The following TBC1D22A variants were observed in gnomAD, a reference collection of about 807,000 sequenced individuals.
The protein encoded by TBC1D22A is TBC1 domain family member 22A.
A neutral mutation model predicts 60.2 loss-of-function variants in TBC1D22A; 38 were observed. The ratio of observed to expected loss-of-function variants is 0.63; its 90% CI spans 0.49 to 0.83. The LOEUF is 0.83. TBC1D22A is among the 40% of genes least tolerant of loss of function. The probability of loss-of-function intolerance (pLI) is 0.00; values close to 1 mark genes in which losing one functional copy is unlikely to be tolerated. For missense variants in TBC1D22A, 628 were observed against 701.0 expected, an observed-to-expected ratio of 0.90 and a Z score of 1.18; for synonymous variants, 302 against 281.7, an observed-to-expected ratio of 1.07 and a Z score of -0.72.
At chr22:47,156,505 T>C (rs547404377) in intron 12 of TBC1D22A, among the ~76,000 whole-genome samples, 17 of 152,248 alleles carry the variant, frequency 1.1e-4, no homozygotes, top group African/African-American at 4.1e-4. Flanking sequence ...GGAGGACACC[T>C]CACAGTTGTT....
At chr22:46,890,829 T>TGTGTGTGTGCGTGGG (rs775055368) in intron 5 of TBC1D22A, among the ~76,000 whole-genome samples, 278 of 152,190 alleles carry the variant, frequency 1.8e-3, no homozygotes, top group Non-Finnish European at 3.4e-3. Flanking sequence ...CGTGTATATG[T>TGTGTGTGTGCGTGGG]GTGTGTGTGC....
chr22:47,170,349 G>A (rs1601756020), intron 12 of TBC1D22A, among the ~76,000 whole-genome samples: 1 of 152,106 alleles, frequency 6.6e-6, no homozygotes, highest in Non-Finnish European at 1.5e-5. Context: ...AATATGAAGC[G>A]AAGTGGATTA....
chr22:46,912,318 AT>A lies in TBC1D22A; in HGVS notation c.1015+131del, dbSNP rs1424390756. 5 of 618,902 alleles carry A rather than the reference AT, an allele frequency of 8.1e-6. No homozygotes were observed. In the African/African-American group the frequency reaches 9.4e-5, roughly 12 times the overall value. 38.3% of individuals were successfully genotyped at this position (618,902 alleles called of 1,614,324 possible). On this transcript the variant is annotated intron_variant, in intron 8 of 12. Transcript: ENST00000337137. ...TAATGATAGGTAATATTAGAGAATA[AT>A]AGTTTTCTCATCAACAACAGCTTTC... is the stretch of plus-strand genomic sequence containing the variant.
intron 12 of TBC1D22A, among the ~76,000 whole-genome samples, chr22:47,135,408 G>A (rs958501934): frequency 6.6e-6 from 1 of 152,250 alleles, no homozygotes; most frequent in Non-Finnish European, 1.5e-5. Flanking sequence ...AGGATGGAGT[G>A]AGAGTGAACC....
At chr22:47,027,380 G>A (rs181037994) in intron 10 of TBC1D22A, among the ~76,000 whole-genome samples, 1 of 152,180 alleles carries the variant, frequency 6.6e-6, no homozygotes, top group East Asian at 1.9e-4. Context: ...GGTATTTGGT[G>A]ACATGAGTAA....
chr22:46,920,221 A>G (rs1249242969), intron 8 of TBC1D22A, among the ~76,000 whole-genome samples: 2 of 152,158 alleles, frequency 1.3e-5, no homozygotes, highest in Non-Finnish European at 2.9e-5. Flanking sequence ...CTGGGACTAC[A>G]GGCATGCACC....
intron 1 of TBC1D22A, among the ~76,000 whole-genome samples, chr22:46,791,509 C>A (rs1312108726): frequency 6.7e-6 from 1 of 150,222 alleles, no homozygotes; most frequent in African/African-American, 2.5e-5. Context: ...AGCTGGGGGC[C>A]AAAGGGGTGC....
intron 11 of TBC1D22A, among the ~76,000 whole-genome samples, chr22:47,042,459 G>A (rs2062880113): frequency 6.6e-6 from 1 of 152,198 alleles, no homozygotes; most frequent in Non-Finnish European, 1.5e-5. Context: ...GAATGAATGA[G>A]AATGAAGATG....
chr22:46,832,297 C>T (rs2086344194), intron 4 of TBC1D22A, among the ~76,000 whole-genome samples: 1 of 152,232 alleles, frequency 6.6e-6, no homozygotes, highest in South Asian at 2.1e-4. Context: ...TTGTTATGCC[C>T]TTCTTAATTG....
At chr22:46,870,665 C>T (rs920095825) in intron 4 of TBC1D22A, among the ~76,000 whole-genome samples, 16 of 152,148 alleles carry the variant, frequency 1.1e-4, no homozygotes, top group Non-Finnish European at 2.9e-5. Context: ...CTCCCAGTTT[C>T]GGAGGCTTGG....
intron 9 of TBC1D22A, among the ~76,000 whole-genome samples, chr22:46,979,313 T>C (rs1371060594): frequency 6.6e-6 from 1 of 152,256 alleles, no homozygotes; most frequent in African/African-American, 2.4e-5. Flanking sequence ...GATATTATCA[T>C]TGGCAACAAA....
In TBC1D22A at chr22:47,158,016, G is replaced by A. The variant is rs1049302476; in HGVS notation, c.1426-15482G>A. On this transcript the variant is annotated intron_variant, in intron 12 of 12. Transcript: ENST00000337137. ...GCCCGTCACCCTCCAGCCGGCAGGC[G>A]TGCCTGGGCTTCCCCTACGGCCATC... Among the ~76,000 whole-genome samples the A allele has an allele frequency of 3.9e-5, 6 of 152,282 alleles. No individual in the cohort carries two copies. The South Asian group carries it at 6.2e-4, about 16-fold the overall frequency.
chr22:47,171,027 G>A (rs903974843), intron 12 of TBC1D22A, among the ~76,000 whole-genome samples: 3 of 152,180 alleles, frequency 2.0e-5, no homozygotes, highest in Admixed American at 6.5e-5. Flanking sequence ...GGCACAGCCA[G>A]GATGTGAGCC....
chr22:46,885,571 TAAC>T (rs1003258941), intron 5 of TBC1D22A, among the ~76,000 whole-genome samples: 53 of 152,288 alleles, frequency 3.5e-4, no homozygotes, highest in African/African-American at 1.3e-3. Context: ...AGGCTTGAAA[TAAC>T]AACAAGGTGC....
chr22:47,051,413 G>A lies in TBC1D22A; in HGVS notation c.1329+14215G>A, dbSNP rs1392492989. ...ACTGTCTTTCCGTCCTTAAAGAACA[G>A]TCTAGTTCCGGAATTACGGTCCTCA... On this transcript the variant is annotated intron_variant, in intron 11 of 12. Transcript: ENST00000337137. Among the ~76,000 whole-genome samples the A allele has an allele frequency of 2.6e-5, 4 of 152,190 alleles. No homozygotes were observed. The South Asian group carries it at 8.3e-4, about 32-fold the overall frequency.
Position 46,878,851 on chromosome 22 carries a change from C to T in TBC1D22A, c.708+128C>T, listed in dbSNP as rs1223705867. The T allele has an allele frequency of 5.6e-6, 4 of 715,960 alleles. No homozygotes were observed. In the Admixed American group the frequency reaches 7.6e-5, roughly 14 times the overall value. The allele number at this position is 715,960 out of a possible 1,614,324, so 44.4% of individuals were successfully genotyped here. A position where few individuals can be genotyped will look rare whatever the true frequency, so the allele number is the denominator to read the frequency against. On this transcript the variant is annotated intron_variant, in intron 5 of 12. Coordinates refer to ENST00000337137, the MANE Select transcript of TBC1D22A (RefSeq NM_014346.5). The stretch of plus-strand genomic sequence containing the variant: ...TTGGCTTTGTTGCAGTGATAAAGGC[C>T]TTTGCTATGGCTAAGCTGACATTTT...
At chr22:46,991,900 G>T (rs936405651) in intron 9 of TBC1D22A, among the ~76,000 whole-genome samples, 50 of 152,256 alleles carry the variant, frequency 3.3e-4, no homozygotes, top group African/African-American at 1.2e-3. Flanking sequence ...GCTGCATGGT[G>T]CCTGAACCCT....
chr22:47,122,220 T>A (rs1460129692), intron 12 of TBC1D22A, among the ~76,000 whole-genome samples: 3 of 152,166 alleles, frequency 2.0e-5, no homozygotes, highest in African/African-American at 2.4e-5. Context: ...ACTCTGCAGG[T>A]CACCCCAGCT....
intron 12 of TBC1D22A, among the ~76,000 whole-genome samples, chr22:47,137,140 G>A (rs995295183): frequency 5.9e-5 from 9 of 152,196 alleles, no homozygotes; most frequent in African/African-American, 1.4e-4. Flanking sequence ...GGATCTGTAC[G>A]GTGTGTTCAT....
Sources: gnomAD v4.1 joint callset for allele counts (sites outside exome capture counted in the v4.1 genomes callset) on GRCh38, gnomAD v4.1.1 for gene constraint, MANE v1.5 for transcripts, NCBI Gene and HGNC (gene_info 2026-07-23, HGNC 2026-07-21) for gene names.